The following RSPH4A variants were observed in gnomAD, a reference collection of about 807,000 sequenced individuals.
RSPH4A encodes radial spoke head protein 4 homolog A.
Under a neutral mutation model 71.0 loss-of-function variants are expected in RSPH4A, and 47 were observed. The observed-to-expected ratio is 0.66, with a 90% CI of 0.52 to 0.84. The LOEUF is 0.84. RSPH4A is among the 40% of genes least tolerant of loss of function. RSPH4A has a pLI of 0.00. For synonymous variants in RSPH4A, 282 were observed against 302.3 expected, an observed-to-expected ratio of 0.93 and a Z score of 0.70; for missense variants, 793 against 855.2, an observed-to-expected ratio of 0.93 and a Z score of 0.91.
chr6:116,619,787 C>T (rs1775570893), intron 1 of RSPH4A, among the ~76,000 whole-genome samples: 2 of 152,212 alleles, frequency 1.3e-5, no homozygotes, highest in South Asian at 2.1e-4. Flanking sequence ...AGCACGATCT[C>T]GGCTCACTAC....
intron 1 of RSPH4A, among the ~76,000 whole-genome samples, chr6:116,617,777 C>A (rs998854076): frequency 6.6e-6 from 1 of 152,098 alleles, no homozygotes; most frequent in African/African-American, 2.4e-5. Context: ...TTTGGCTGAG[C>A]GCTGAAAGTT....
intron 1 of RSPH4A, among the ~76,000 whole-genome samples, chr6:116,618,132 C>T (rs982296669): frequency 6.6e-6 from 1 of 152,114 alleles, no homozygotes; most frequent in South Asian, 2.1e-4. Flanking sequence ...CAACACTTAC[C>T]GACTCTTACC....
Position 116,627,886 on chromosome 6 carries a change from T to C in RSPH4A, c.1179T>C (p.Asn393=). The C allele has an allele frequency of 6.2e-7, 1 of 1,613,398 alleles. No individual in the cohort carries two copies. Among genetic ancestry groups the C allele is most frequent in the East Asian group, 2.2e-5 (1 of 44,868 alleles). The part of the protein sequence containing the change: ...EEEDVAEERD[N]GESEAHEDEE... ...AAGATGTAGCTGAAGAGAGGGACAA[T>C]GGAGAAAGTGAAGCTCATGAAGATG... The change falls in exon 3 of 6, where the codon AAT becomes AAC. Residue 393 remains asparagine (N), a synonymous_variant. Transcript: ENST00000229554.
chr6:116,620,434 T>C (rs1775584566), intron 1 of RSPH4A, among the ~76,000 whole-genome samples: 1 of 152,184 alleles, frequency 6.6e-6, no homozygotes, highest in Admixed American at 6.5e-5. Flanking sequence ...CAGATCTAAT[T>C]TGACAGCCAT....
chr6:116,622,705 G>GA, intron 1 of RSPH4A, 63 bp from the exon 2 acceptor site: 1 of 1,120,742 alleles, frequency 8.9e-7, no homozygotes. Context: ...AAATGTCAAA[G>GA]AAAAATGCTT....
chr6:116,623,080 C>A (rs1775637832), intron 2 of RSPH4A, 78 bp downstream of exon 2: 2 of 911,672 alleles, frequency 2.2e-6, no homozygotes, highest in Non-Finnish European at 3.6e-6. Context: ...TAAATTCATA[C>A]CAACTGTATT....
In RSPH4A at chr6:116,628,083, A is replaced by T; in HGVS notation, c.1376A>T (p.Lys459Met). 3 of 1,614,240 alleles carry T rather than the reference A, an allele frequency of 1.9e-6. No homozygotes were observed. The highest frequency in any genetic ancestry group is 2.5e-6 in the Non-Finnish European group (3 of 1,180,050). ...CAAATTGTTATTGCAAGAAAAATCA[A>T]GAAATTTTTCACTGGGCGATTGGAT... ...PAQIVIARKIKKFFTGRLDAP... is the reference protein window; with the variant it reads ...PAQIVIARKIMKFFTGRLDAP... The change falls in exon 3 of 6, where the codon AAG (lysine) becomes ATG (methionine). Residue 459 changes from lysine to methionine, a missense_variant. Lys to Met is a moderately conservative substitution (Grantham distance 95). Transcript: ENST00000229554.
Position 116,630,470 on chromosome 6 carries a change from T to TCC in RSPH4A, c.1835_1836dup (p.Ser613ProfsTer35), listed in dbSNP as rs772614736. 1.9e-6 allele frequency: 3 copies of TCC among 1,610,702 alleles called. No individual in the cohort carries two copies. In the South Asian group the frequency reaches 3.3e-5, roughly 18 times the overall value. Reference sequence around the variant, plus strand: ...TATACCCCCCTGGACAACACGGTTATCCTCAAATCTCATTCCACAATATGC... The same window carrying TCC: ...TATACCCCCCTGGACAACACGGTTATCCCCTCAAATCTCATTCCACAATATGC... On this transcript the variant is annotated frameshift_variant, in exon 5 of 6. Coordinates refer to ENST00000229554, the MANE Select transcript of RSPH4A (RefSeq NM_001010892.3). LOFTEE classifies it high-confidence loss of function.
chr6:116,632,525 A>G lies in RSPH4A; in HGVS notation c.*84A>G, dbSNP rs772275921. ...GACTAATTTTACACTTTTCTGTGTT[A>G]TGTGTGTATATACATACACATGTAA... On this transcript the variant is annotated 3_prime_UTR_variant, in exon 6 of 6. Coordinates refer to ENST00000229554, the MANE Select transcript of RSPH4A (RefSeq NM_001010892.3). 5.3e-6 allele frequency: 8 copies of G among 1,514,410 alleles called. No homozygotes were observed. The highest frequency in any genetic ancestry group is 1.4e-5 in the African/African-American group (1 of 72,378). 93.8% of individuals were successfully genotyped at this position (1,514,410 alleles called of 1,614,324 possible).
chr6:116,617,157 T>C lies in RSPH4A; in HGVS notation c.534T>C (p.Phe178=). ...ACGCTAAACAGAAAGAGCTGAGATT[T>C]GACGTTTTTCAGGAGGAAGACTCAA... ...YNNAKQKELR[F]DVFQEEDSNS... The change falls in exon 1 of 6, where the codon TTT becomes TTC. Residue 178 remains phenylalanine (F), a synonymous_variant. Coordinates refer to ENST00000229554, the MANE Select transcript of RSPH4A (RefSeq NM_001010892.3). 1 of 1,614,156 alleles carries C rather than the reference T, an allele frequency of 6.2e-7. No individual in the cohort carries two copies. The highest frequency in any genetic ancestry group is 8.5e-7 in the Non-Finnish European group (1 of 1,180,030).
chr6:116,616,922 C>A lies in RSPH4A; in HGVS notation c.299C>A (p.Ala100Asp). The change falls in exon 1 of 6, where the codon GCC becomes GAC. Residue 100 changes from alanine to aspartate, a missense_variant. By Grantham distance (126) the Ala-to-Asp change is moderately radical. Transcript: ENST00000229554. The stretch of plus-strand genomic sequence containing the variant: ...TCCTCTCCTTCTCCCCTGGCTCCGG[C>A]CAGACAAGACCTCGCGGCACCACCT... ...PSSSPSPLAP[A>D]RQDLAAPPQS... 6.2e-7 allele frequency: 1 copy of A among 1,614,186 alleles called. No homozygotes were observed. Among genetic ancestry groups the A allele is most frequent in the Non-Finnish European group, 8.5e-7 (1 of 1,180,030 alleles).
chr6:116,631,992 G>GT (rs570057680), intron 5 of RSPH4A, among the ~76,000 whole-genome samples: 38 of 146,050 alleles, frequency 2.6e-4, no homozygotes, highest in East Asian at 6.0e-4. Flanking sequence ...TGGCCCCATG[G>GT]TTTTTTTTTT....
chr6:116,617,602 T>G (rs900010563), intron 1 of RSPH4A, among the ~76,000 whole-genome samples: 1 of 152,008 alleles, frequency 6.6e-6, no homozygotes, highest in African/African-American at 2.4e-5. Flanking sequence ...ATCTCGGGCT[T>G]GAAAAAGACC....
In RSPH4A at chr6:116,617,208, G is replaced by A. The variant is rs1562388031; in HGVS notation, c.585G>A (p.Pro195=). ...DSNSDYDLQQ[P]APGGSEVAPS... is the part of the protein sequence containing the mutation. ...ACAGTGACTATGATTTACAGCAGCC[G>A]GCGCCTGGGGGCTCTGAAGTGGCCC... The change falls in exon 1 of 6, where the codon CCG becomes CCA. Residue 195 remains proline, a synonymous_variant. Coordinates refer to ENST00000229554, the MANE Select transcript of RSPH4A (RefSeq NM_001010892.3). The A allele has an allele frequency of 6.2e-7, 1 of 1,614,126 alleles. No individual in the cohort carries two copies. Among genetic ancestry groups the A allele is most frequent in the Non-Finnish European group, 8.5e-7 (1 of 1,180,000 alleles).
chr6:116,625,385 TGAGA>T (rs1775678071), intron 2 of RSPH4A, among the ~76,000 whole-genome samples: 1 of 152,180 alleles, frequency 6.6e-6, no homozygotes, highest in Non-Finnish European at 1.5e-5. Flanking sequence ...ATTGTGGGTT[TGAGA>T]GAGTGATGGA....
chr6:116,625,267 A>G (rs2115358756), intron 2 of RSPH4A, among the ~76,000 whole-genome samples: 1 of 152,348 alleles, frequency 6.6e-6, no homozygotes, highest in East Asian at 1.9e-4. Context: ...CATTTGGGCC[A>G]TGAAGGATAA....
Position 116,630,528 on chromosome 6 carries a change from G to A in RSPH4A, c.1892G>A (p.Gly631Glu). Reference protein sequence around the residue: ...IAVLQSNLWPGAYAFSNGKKF... With the variant: ...IAVLQSNLWPEAYAFSNGKKF... ...GTCCTTCAATCCAACCTTTGGCCTG[G>A]AGCATATGCCTTCTCCAATGGCAAG... Residue 631 changes from glycine to glutamate, a missense_variant, in exon 5 of 6, where the codon GGA becomes GAA. By Grantham distance (98) the Gly-to-Glu change is moderately conservative. Transcript: ENST00000229554. 3 of 1,584,514 alleles carry A rather than the reference G, an allele frequency of 1.9e-6. No individual in the cohort carries two copies. Among genetic ancestry groups the A allele is most frequent in the Non-Finnish European group, 2.6e-6 (3 of 1,153,336 alleles).
intron 1 of RSPH4A, among the ~76,000 whole-genome samples, chr6:116,621,919 C>G (rs1775615604): frequency 1.3e-5 from 2 of 152,076 alleles, no homozygotes; most frequent in Admixed American, 1.3e-4. Flanking sequence ...ATTTTGGCCT[C>G]TTAAAATTCA....
chr6:116,631,154 T>C (rs1042886563), intron 5 of RSPH4A, among the ~76,000 whole-genome samples: 2 of 152,204 alleles, frequency 1.3e-5, no homozygotes, highest in Admixed American at 6.5e-5. Context: ...AAATAAAATA[T>C]GGTTTTTCAT....
Sources: allele counts gnomAD v4.1 joint callset (sites outside exome capture counted in the v4.1 genomes callset), GRCh38; gene constraint gnomAD v4.1.1; transcripts MANE v1.5; gene names NCBI Gene and HGNC (gene_info 2026-07-23, HGNC 2026-07-21).